RPAP2: variants seen among roughly 807,000 people sequenced by gnomAD.
The protein encoded by RPAP2 is putative RNA polymerase II subunit B1 CTD phosphatase RPAP2.
In RPAP2, 52 loss-of-function variants were observed where a neutral mutation model predicts 73.1. That is an observed-to-expected ratio of 0.71 (90% CI 0.57 to 0.90). RPAP2 has a LOEUF of 0.90. RPAP2 is among the 40% of genes least tolerant of loss of function. The pLI is 0.00. For missense variants in RPAP2, 598 were observed against 701.8 expected, an observed-to-expected ratio of 0.85 and a Z score of 1.67; for synonymous variants, 225 against 242.1, an observed-to-expected ratio of 0.93 and a Z score of 0.65.
At chr1:92,311,629 G>C (rs1055664680) in intron 6 of RPAP2, among the ~76,000 whole-genome samples, 2 of 152,132 alleles carry the variant, frequency 1.3e-5, no homozygotes, top group African/African-American at 4.8e-5. Flanking sequence ...TATTGAATTT[G>C]ACCTAATTTG....
chr1:92,313,878 AT>A (rs1431524020), intron 6 of RPAP2, among the ~76,000 whole-genome samples: 1 of 152,142 alleles, frequency 6.6e-6, no homozygotes, highest in Non-Finnish European at 1.5e-5. Flanking sequence ...TTGCACTTTT[AT>A]GTTGTGGAGA....
intron 10 of RPAP2, among the ~76,000 whole-genome samples, chr1:92,341,308 C>T (rs1032205886): frequency 2.0e-5 from 3 of 152,060 alleles, no homozygotes; most frequent in Non-Finnish European, 4.4e-5. Context: ...CATACCTGGC[C>T]TGAAAAATCT....
rs371177251 is a variant in RPAP2, at chr1:92,299,093, C to G, written c.20C>G (p.Pro7Arg). 6.5e-5 allele frequency: 98 copies of G among 1,518,560 alleles called. 1 individual carries two copies. In the South Asian group the frequency reaches 1.1e-3, roughly 18 times the overall value. 94.1% of individuals were successfully genotyped at this position (1,518,560 alleles called of 1,614,324 possible). The change falls in exon 1 of 13, where the codon CCG becomes CGG. Residue 7 changes from proline to arginine, a missense_variant. Transcript: ENST00000610020. Reference sequence around the variant, plus strand: ...TCCCCCATGGCGGACTTCGCTGGGCCGTCTTCTGCCGGCCGCAAGGCCGGG... The same window carrying G: ...TCCCCCATGGCGGACTTCGCTGGGCGGTCTTCTGCCGGCCGCAAGGCCGGG... MADFAG[P>R]SSAGRKAGAP...
intron 11 of RPAP2, among the ~76,000 whole-genome samples, chr1:92,379,689 C>T (rs1046555922): frequency 1.3e-5 from 2 of 150,844 alleles, no homozygotes; most frequent in Non-Finnish European, 3.0e-5. Context: ...AATCCCAGCA[C>T]TTTGGGAGGC....
intron 6 of RPAP2, among the ~76,000 whole-genome samples, chr1:92,316,677 A>C (rs1380541738): frequency 6.6e-6 from 1 of 152,206 alleles, no homozygotes; most frequent in Non-Finnish European, 1.5e-5. Flanking sequence ...TCTTCAGGAC[A>C]ACAAAAATTG....
At chr1:92,342,196 A>T (rs2101281376) in intron 10 of RPAP2, among the ~76,000 whole-genome samples, 1 of 152,338 alleles carries the variant, frequency 6.6e-6, no homozygotes, top group Non-Finnish European at 1.5e-5. Context: ...AGGCTGGTTA[A>T]GGAAGACTTC....
At chr1:92,352,896 T>C (rs1456759778) in intron 11 of RPAP2, among the ~76,000 whole-genome samples, 1 of 152,196 alleles carries the variant, frequency 6.6e-6, no homozygotes, top group African/African-American at 2.4e-5. Flanking sequence ...AAATCCATTC[T>C]CTTATCTTGA....
intron 6 of RPAP2, among the ~76,000 whole-genome samples, chr1:92,312,908 G>A (rs563788348): frequency 6.6e-6 from 1 of 150,982 alleles, no homozygotes; most frequent in East Asian, 2.0e-4. Flanking sequence ...TACAACCTCT[G>A]CCTCCTCAGT....
At chr1:92,348,425 T>G (rs1214465334) in intron 11 of RPAP2, among the ~76,000 whole-genome samples, 1 of 152,218 alleles carries the variant, frequency 6.6e-6, no homozygotes, top group Non-Finnish European at 1.5e-5. Context: ...CCTAGGTTTT[T>G]GCCTTTGAAA....
In RPAP2 at chr1:92,307,367, T is replaced by C. The variant is rs1651312774; in HGVS notation, c.488+91T>C. 5.9e-6 allele frequency: 5 copies of C among 841,690 alleles called. No homozygotes were observed. The South Asian group carries it at 6.0e-5, about 10-fold the overall frequency. 52.1% of individuals were successfully genotyped at this position (841,690 alleles called of 1,614,324 possible). ...GATTAGCTGAGAGTAAGTCTAGTTT[T>C]CTGTAAAAAGTTACCATTTTATATA... On this transcript the variant is annotated intron_variant, in intron 6 of 12. Transcript: ENST00000610020.
Position 92,394,532 on chromosome 1 carries a change from A to G in RPAP2, c.*7521A>G, listed in dbSNP as rs566151935. On this transcript the variant is annotated 3_prime_UTR_variant, in exon 13 of 13. Coordinates refer to ENST00000610020, the MANE Select transcript of RPAP2 (RefSeq NM_024813.3). ...GCCAGGCATGGTGCTGCACACCTGT[A>G]GTCCCAGCTACTTGAGAGGCTACAT... 2 of 152,348 alleles carry G rather than the reference A, an allele frequency of 1.3e-5. No individual in the cohort carries two copies. The highest frequency in any genetic ancestry group is 6.5e-5 in the Admixed American group (1 of 15,294). 9.4% of individuals were successfully genotyped at this position (152,348 alleles called of 1,614,324 possible). A position where few individuals can be genotyped will look rare whatever the true frequency, so the allele number is the denominator to read the frequency against.
intron 11 of RPAP2, among the ~76,000 whole-genome samples, chr1:92,350,121 A>T (rs1453524942): frequency 6.6e-6 from 1 of 152,144 alleles, no homozygotes; most frequent in East Asian, 1.9e-4. Context: ...ATTCCATGGG[A>T]CTTGAATTAC....
rs543316868 is a variant in RPAP2 at position 92,343,969 on chromosome 1, C to G, written c.1620-1877C>G. On this transcript the variant is annotated intron_variant, in intron 10 of 12. Transcript: ENST00000610020. ...GAGGAAGAGGGCATGAAGTCAGTCC[C>G]CTTTGTTCCCTTTCCCAATCCATTC... Among the ~76,000 whole-genome samples the G allele has an allele frequency of 7.2e-5, 11 of 152,254 alleles. No homozygotes were observed. The East Asian group carries it at 1.9e-3, about 27-fold the overall frequency.
Position 92,398,926 on chromosome 1 carries a change from G to A in RPAP2, c.*11915G>A, listed in dbSNP as rs1163874540. 1 of 152,204 alleles carries A rather than the reference G, an allele frequency of 6.6e-6. No individual in the cohort carries two copies. Among genetic ancestry groups the A allele is most frequent in the Non-Finnish European group, 1.5e-5 (1 of 68,044 alleles). The allele number at this position is 152,204 out of a possible 1,614,324, so 9.4% of individuals were successfully genotyped here. A position where few individuals can be genotyped will look rare whatever the true frequency, so the allele number is the denominator to read the frequency against. On this transcript the variant is annotated 3_prime_UTR_variant, in exon 13 of 13. Coordinates refer to ENST00000610020, the MANE Select transcript of RPAP2 (RefSeq NM_024813.3). The stretch of plus-strand genomic sequence containing the variant: ...TTTCCAAATTAAACTAGCAAAATAT[G>A]AACTTTTGTAAAAGGTCCACACCCA...
chr1:92,329,241 C>A (rs539684671), intron 8 of RPAP2, among the ~76,000 whole-genome samples: 7 of 152,132 alleles, frequency 4.6e-5, no homozygotes, highest in Non-Finnish European at 1.0e-4. Context: ...CCTTTGTCTT[C>A]GGCTACCAGG....
At position 92,399,352 on chromosome 1, in the gene RPAP2, A is replaced by G. The variant is rs756430108; in HGVS notation, c.*12341A>G. On this transcript the variant is annotated 3_prime_UTR_variant, in exon 13 of 13. Coordinates refer to ENST00000610020, the MANE Select transcript of RPAP2 (RefSeq NM_024813.3). ...TCTCAGTCACCTAGCTCTAGTTTGC[A>G]TAATTAAAGAAAGTGGAAGCTGGTT... The G allele has an allele frequency of 2.6e-5, 4 of 152,246 alleles. No homozygotes were observed. The highest frequency in any genetic ancestry group is 2.0e-4 in the Admixed American group (3 of 15,276). The allele number at this position is 152,246 out of a possible 1,614,324, so 9.4% of individuals were successfully genotyped here. A position where few individuals can be genotyped will look rare whatever the true frequency, so the allele number is the denominator to read the frequency against.
chr1:92,377,115 T>C (rs1450887094), intron 11 of RPAP2, among the ~76,000 whole-genome samples: 1 of 152,196 alleles, frequency 6.6e-6, no homozygotes, highest in Non-Finnish European at 1.5e-5. Flanking sequence ...TTTGTAATAA[T>C]CTTTTAAGGT....
intron 10 of RPAP2, among the ~76,000 whole-genome samples, chr1:92,343,055 G>A (rs1557613535): frequency 6.6e-6 from 1 of 152,158 alleles, no homozygotes; most frequent in Non-Finnish European, 1.5e-5. Flanking sequence ...TCGTAAGATT[G>A]GATAACATCA....
chr1:92,324,436 A>C, intron 8 of RPAP2, 61 bp downstream of exon 8: 1 of 1,228,776 alleles, frequency 8.1e-7, no homozygotes, highest in East Asian at 2.3e-5. Flanking sequence ...TCACCACAGC[A>C]AATCTTGGAG....
Sources: allele counts gnomAD v4.1 joint callset (sites outside exome capture counted in the v4.1 genomes callset), GRCh38; gene constraint gnomAD v4.1.1; transcripts MANE v1.5; gene names NCBI Gene and HGNC (gene_info 2026-07-23, HGNC 2026-07-21).